UGT1A7: variants seen among roughly 807,000 people sequenced by gnomAD.
UGT1A7 encodes the protein UDP-glucuronosyltransferase 1A7.
UGT1A7 carries 33 observed loss-of-function variants against 45.6 expected under a neutral mutation model. The ratio of observed to expected loss-of-function variants is 0.72; its 90% CI spans 0.55 to 0.97. The LOEUF (loss-of-function observed/expected upper bound fraction) is 0.97. UGT1A7 is among the 50% of genes least tolerant of loss of function. UGT1A7 has a pLI of 0.00. For synonymous variants in UGT1A7, 274 were observed against 250.6 expected (o/e 1.09, Z -0.88); for missense variants, 684 against 666.2 (o/e 1.03, Z -0.29).
chr2:233,719,749 T>G, intron 1 of UGT1A7: 1 of 1,612,804 alleles, frequency 6.2e-7, no homozygotes, highest in South Asian at 1.1e-5. Flanking sequence ...AAAAATGTAT[T>G]TACTTACAAG....
chr2:233,700,870 T>C (rs979939494), intron 1 of UGT1A7, among the ~76,000 whole-genome samples: 10 of 148,434 alleles, frequency 6.7e-5, no homozygotes, highest in South Asian at 2.3e-4. Flanking sequence ...TATCCCTCCC[T>C]CCTCCCCCCA....
intron 1 of UGT1A7, among the ~76,000 whole-genome samples, chr2:233,762,537 C>T (rs1182921904): frequency 4.6e-5 from 7 of 152,180 alleles, no homozygotes; most frequent in African/African-American, 1.7e-4. Flanking sequence ...ACTTGTGTAC[C>T]ACAGTGTATT....
intron 1 of UGT1A7, among the ~76,000 whole-genome samples, chr2:233,758,754 A>G (rs888171679): frequency 2.0e-5 from 3 of 152,132 alleles, no homozygotes; most frequent in African/African-American, 7.2e-5. Context: ...CTGGCCAGTG[A>G]TGTGTATGGT....
intron 1 of UGT1A7, chr2:233,719,017 A>G: frequency 6.2e-7 from 1 of 1,614,274 alleles, no homozygotes; most frequent in Non-Finnish European, 8.5e-7. Flanking sequence ...CCAGAGGTGA[A>G]TATGCACATC....
rs1699290986 is a variant in UGT1A7 at position 233,766,960 on chromosome 2, A to T, written c.856-74A>T. 4.4e-6 allele frequency: 7 copies of T among 1,607,258 alleles called. No homozygotes were observed. The South Asian group carries it at 7.8e-5, about 18-fold the overall frequency. On this transcript the variant is annotated intron_variant, in intron 1 of 4. Transcript: ENST00000373426. ...CATAGTCTTAAGAGGAAGATATCTA[A>T]TTCATAACTTACTGTATGTAGTCAT...
chr2:233,735,337 CT>C (rs939538517), intron 1 of UGT1A7, among the ~76,000 whole-genome samples: 5 of 150,880 alleles, frequency 3.3e-5, no homozygotes, highest in East Asian at 3.9e-4. Flanking sequence ...GCAACCCCTG[CT>C]TTTTTTTTGC....
At chr2:233,754,901 C>G (rs996500791) in intron 1 of UGT1A7, 1 of 1,352,458 alleles carries the variant, frequency 7.4e-7, no homozygotes, top group South Asian at 1.1e-5. Flanking sequence ...TCTGACCCCC[C>G]AAAATATTCT....
chr2:233,760,386 C>A, intron 1 of UGT1A7: 1 of 1,614,180 alleles, frequency 6.2e-7, no homozygotes. Flanking sequence ...TACTGTTGAT[C>A]CCAGTGGATG....
At chr2:233,710,257 T>C (rs1404834948) in intron 1 of UGT1A7, among the ~76,000 whole-genome samples, 4 of 152,232 alleles carry the variant, frequency 2.6e-5, no homozygotes, top group Non-Finnish European at 5.9e-5. Context: ...TTTCTGAGAT[T>C]TCATTTTTCT....
chr2:233,737,300 G>T (rs1006795480), intron 1 of UGT1A7, among the ~76,000 whole-genome samples: 5 of 152,240 alleles, frequency 3.3e-5, no homozygotes, highest in Admixed American at 2.0e-4. Context: ...CCGCCTCACA[G>T]TTCAATCTCA....
At chr2:233,756,915 T>C (rs571435889) in intron 1 of UGT1A7, among the ~76,000 whole-genome samples, 1 of 152,112 alleles carries the variant, frequency 6.6e-6, no homozygotes, top group East Asian at 1.9e-4. Context: ...ACTTCTGAGT[T>C]TATATAACCT....
At chr2:233,768,026 TG>T (rs1699551071) in intron 3 of UGT1A7, 90 bp downstream of exon 3, 2 of 1,613,156 alleles carry the variant, frequency 1.2e-6, no homozygotes, top group Non-Finnish European at 1.7e-6. Context: ...TTGTTGAGCT[TG>T]AAAATATTAT....
intron 1 of UGT1A7, among the ~76,000 whole-genome samples, chr2:233,722,626 G>A (rs1272001840): frequency 6.6e-6 from 1 of 152,128 alleles, no homozygotes; most frequent in African/African-American, 2.4e-5. Context: ...TCTTAATGAA[G>A]CATTGAGGGC....
intron 1 of UGT1A7, chr2:233,690,546 T>A (rs527999000): frequency 1.5e-5 from 19 of 1,289,592 alleles, no homozygotes; most frequent in Non-Finnish European, 1.9e-5. Flanking sequence ...CCCACTGGAA[T>A]ATGTCCCAAG....
intron 1 of UGT1A7, among the ~76,000 whole-genome samples, chr2:233,709,465 G>T (rs891183969): frequency 1.3e-5 from 2 of 152,060 alleles, no homozygotes; most frequent in African/African-American, 4.8e-5. Flanking sequence ...CAATCATTTT[G>T]GGGCTTATAA....
intron 2 of UGT1A7, 120 bp from the exon 3 acceptor site, chr2:233,767,729 C>T: frequency 1.3e-6 from 2 of 1,560,058 alleles, no homozygotes; most frequent in Middle Eastern, 1.7e-4. Flanking sequence ...GTTACTGATC[C>T]TCCCACTCTG....
chr2:233,719,744 T>C, intron 1 of UGT1A7: 2 of 1,612,994 alleles, frequency 1.2e-6, no homozygotes, highest in South Asian at 1.1e-5. Context: ...TTTTAAAAAA[T>C]GTATTTACTT....
intron 1 of UGT1A7, chr2:233,721,911 G>T: frequency 2.3e-6 from 1 of 435,688 alleles, no homozygotes; most frequent in Non-Finnish European, 4.6e-6. Context: ...GGTGCACACT[G>T]CTTCCATAAA....
chr2:233,760,174 G>A (rs1178243322), intron 1 of UGT1A7: 18 of 1,539,292 alleles, frequency 1.2e-5, no homozygotes, highest in Non-Finnish European at 1.5e-5. Flanking sequence ...TGGACTGACA[G>A]CTTTTTATAG....
Sources: gnomAD v4.1 joint callset for allele counts (sites outside exome capture counted in the v4.1 genomes callset) on GRCh38, gnomAD v4.1.1 for gene constraint, MANE v1.5 for transcripts, NCBI Gene and HGNC (gene_info 2026-07-23, HGNC 2026-07-21) for gene names.